VAPA: variants seen among roughly 807,000 people sequenced by gnomAD.
The protein encoded by VAPA is VAMP associated protein A, also known as vesicle-associated membrane protein-associated protein A.
Under a neutral mutation model 25.6 loss-of-function variants are expected in VAPA, and 6 were observed. The observed-to-expected ratio is 0.23, with a 90% CI of 0.13 to 0.46. The LOEUF is 0.46. Among genes scored for constraint, VAPA ranks in the 20% least tolerant of loss-of-function variants. VAPA has a pLI of 0.99. For missense variants in VAPA, 244 were observed against 302.1 expected (o/e 0.81, Z 1.43); for synonymous variants, 112 against 106.2 (o/e 1.05, Z -0.34).
chr18:9,942,351 A>G lies in VAPA; in HGVS notation c.417+5285A>G, dbSNP rs74899250. Among the ~76,000 whole-genome samples the G allele has an allele frequency of 4.6e-5, 7 of 152,318 alleles. 1 individual carries two copies. The East Asian group carries it at 1.4e-3, about 29-fold the overall frequency. The stretch of plus-strand genomic sequence containing the variant: ...GAAAAATTTGGTTAGTGTTCAAAGC[A>G]GATTCTGCAATAGCTATCATAATTG... On this transcript the variant is annotated intron_variant, in intron 4 of 5. Coordinates refer to ENST00000400000, the MANE Select transcript of VAPA (RefSeq NM_194434.3).
At chr18:9,928,596 T>G (rs1297341821) in intron 1 of VAPA, among the ~76,000 whole-genome samples, 1 of 152,146 alleles carries the variant, frequency 6.6e-6, no homozygotes, top group Non-Finnish European at 1.5e-5. Context: ...ACTTCATAAC[T>G]CATTTTTATA....
In VAPA at chr18:9,958,544, AC is replaced by A. The variant is rs1451254561; in HGVS notation, c.*4338del. The A allele has an allele frequency of 1.3e-5, 2 of 151,866 alleles. No homozygotes were observed. Among genetic ancestry groups the A allele is most frequent in the Non-Finnish European group, 2.9e-5 (2 of 67,980 alleles). The allele number at this position is 151,866 out of a possible 1,614,324, so 9.4% of individuals were successfully genotyped here. ...AAAAGATAATTGTTGCTTGAATAGC[AC>A]CCCCAGAGATACTGACCTAATTGGT... On this transcript the variant is annotated 3_prime_UTR_variant, in exon 6 of 6. Coordinates refer to ENST00000400000, the MANE Select transcript of VAPA (RefSeq NM_194434.3).
At position 9,955,084 on chromosome 18, in the gene VAPA, T is replaced by C. The variant is rs1296692537; in HGVS notation, c.*873T>C. On this transcript the variant is annotated 3_prime_UTR_variant, in exon 6 of 6. Coordinates refer to ENST00000400000, the MANE Select transcript of VAPA (RefSeq NM_194434.3). ...ATAGAAGTTATGTGATTTCAGTGAG[T>C]TGATGTGTACAGCATGGCTGTGCTC... 6.6e-6 allele frequency: 1 copy of C among 152,212 alleles called. No homozygotes were observed. The highest frequency in any genetic ancestry group is 2.4e-5 in the African/African-American group (1 of 41,460). 9.4% of individuals were successfully genotyped at this position (152,212 alleles called of 1,614,324 possible). A position where few individuals can be genotyped will look rare whatever the true frequency, so the allele number is the denominator to read the frequency against.
chr18:9,928,124 A>G (rs1243141964), intron 1 of VAPA, among the ~76,000 whole-genome samples: 1 of 152,146 alleles, frequency 6.6e-6, no homozygotes, highest in Non-Finnish European at 1.5e-5. Flanking sequence ...TAAACTAAGC[A>G]TTCATATTGG....
At chr18:9,927,590 A>G (rs2069211933) in intron 1 of VAPA, among the ~76,000 whole-genome samples, 1 of 151,910 alleles carries the variant, frequency 6.6e-6, no homozygotes, top group African/African-American at 2.4e-5. Context: ...GAATGGTTGA[A>G]TTTTACACAT....
intron 1 of VAPA, among the ~76,000 whole-genome samples, chr18:9,928,386 A>G (rs1469971004): frequency 1.3e-5 from 2 of 152,180 alleles, no homozygotes; most frequent in East Asian, 3.9e-4. Context: ...CTCCAGGGTT[A>G]GAAATAGAAC....
chr18:9,947,019 C>T (rs182521378), intron 4 of VAPA, among the ~76,000 whole-genome samples: 1 of 152,290 alleles, frequency 6.6e-6, no homozygotes, highest in East Asian at 1.9e-4. Flanking sequence ...GGGGCGGGAT[C>T]ATCAGTATCA....
intron 1 of VAPA, among the ~76,000 whole-genome samples, chr18:9,926,222 C>T (rs1220782166): frequency 6.6e-6 from 1 of 152,038 alleles, no homozygotes; most frequent in South Asian, 2.1e-4. Context: ...TATATGATTA[C>T]CTTAACATGA....
intron 4 of VAPA, among the ~76,000 whole-genome samples, chr18:9,947,388 A>T (rs1013799927): frequency 3.3e-5 from 5 of 152,238 alleles, no homozygotes; most frequent in African/African-American, 1.2e-4. Context: ...TCACTAGGTA[A>T]TAGGAATTTT....
intron 1 of VAPA, among the ~76,000 whole-genome samples, chr18:9,918,129 C>G (rs1010052947): frequency 6.6e-6 from 1 of 152,086 alleles, no homozygotes; most frequent in African/African-American, 2.4e-5. Context: ...ACCCAAGGTT[C>G]TTTGTTCCTC....
At chr18:9,949,595 T>C (rs1408399900) in intron 4 of VAPA, 1 of 152,218 alleles carries the variant, frequency 6.6e-6, no homozygotes, top group Non-Finnish European at 1.5e-5. Context: ...CTAAAATTAT[T>C]TTAAAGTAAG....
At chr18:9,927,585 G>C (rs1370711194) in intron 1 of VAPA, among the ~76,000 whole-genome samples, 1 of 151,854 alleles carries the variant, frequency 6.6e-6, no homozygotes, top group African/African-American at 2.4e-5. Flanking sequence ...GTTCTGAATG[G>C]TTGAATTTTA....
In VAPA at chr18:9,957,882, C is replaced by CGT. The variant is rs1567906373; in HGVS notation, c.*3672_*3673dup. 1 of 152,238 alleles carries CGT rather than the reference C, an allele frequency of 6.6e-6. No homozygotes were observed. The highest frequency in any genetic ancestry group is 1.5e-5 in the Non-Finnish European group (1 of 68,030). The allele number at this position is 152,238 out of a possible 1,614,324, so 9.4% of individuals were successfully genotyped here. On this transcript the variant is annotated 3_prime_UTR_variant, in exon 6 of 6. Transcript: ENST00000400000. ...GTGAGAACAGCTGATTTTCATGCCA[C>CGT]GTTTCATAGCCCCACTTTTGGTAGA... is the stretch of plus-strand genomic sequence containing the variant.
chr18:9,951,370 C>G (rs550348684), intron 5 of VAPA: 2 of 152,398 alleles, frequency 1.3e-5, no homozygotes, highest in African/African-American at 4.8e-5. Context: ...AGAAAAAAAT[C>G]GATTTGTCAT....
At position 9,921,097 on chromosome 18, in the gene VAPA, G is replaced by A. The variant is rs1316793876; in HGVS notation, c.79+6762G>A. ...TACCTGTTAATGTTTGTAGTAACAA[G>A]TTCTGGCATCATAAAATGATTGCCC... On this transcript the variant is annotated intron_variant, in intron 1 of 5. Coordinates refer to ENST00000400000, the MANE Select transcript of VAPA (RefSeq NM_194434.3). Among the ~76,000 whole-genome samples, 4 of 152,214 alleles carry A rather than the reference G, an allele frequency of 2.6e-5. 1 individual carries two copies. Among genetic ancestry groups the A allele is most frequent in the Admixed American group, 2.6e-4 (4 of 15,284 alleles).
At chr18:9,940,607 A>C (rs1170404225) in intron 4 of VAPA, among the ~76,000 whole-genome samples, 1 of 152,064 alleles carries the variant, frequency 6.6e-6, no homozygotes, top group Non-Finnish European at 1.5e-5. Flanking sequence ...TTATGGTTGG[A>C]TTATGTTGGG....
chr18:9,948,858 C>CCCTG (rs1170036408), intron 4 of VAPA: 1 of 152,224 alleles, frequency 6.6e-6, no homozygotes, highest in Non-Finnish European at 1.5e-5. Context: ...AGACATGGTG[C>CCCTG]CCTGCTTCAT....
At chr18:9,940,038 A>G (rs2069351457) in intron 4 of VAPA, among the ~76,000 whole-genome samples, 1 of 152,234 alleles carries the variant, frequency 6.6e-6, no homozygotes, top group African/African-American at 2.4e-5. Flanking sequence ...AGAGTTTAAA[A>G]AGGCAGAACA....
chr18:9,914,368 G>T, intron 1 of VAPA, 33 bp downstream of exon 1: 1 of 1,543,292 alleles, frequency 6.5e-7, no homozygotes, highest in Non-Finnish European at 8.7e-7. Context: ...CGGGTGGGGT[G>T]GGGCGCGCGG....
Sources: gnomAD v4.1 joint callset for allele counts (sites outside exome capture counted in the v4.1 genomes callset) on GRCh38, gnomAD v4.1.1 for gene constraint, MANE v1.5 for transcripts, NCBI Gene and HGNC (gene_info 2026-07-23, HGNC 2026-07-21) for gene names.